The following CDC14A variants were observed in gnomAD, a reference collection of about 807,000 sequenced individuals.
CDC14A encodes dual specificity protein phosphatase CDC14A.
Under a neutral mutation model 74.4 loss-of-function variants are expected in CDC14A, and 53 were observed. That is an observed-to-expected ratio of 0.71 (90% CI 0.57 to 0.89). The LOEUF is 0.89. Among genes scored for constraint, CDC14A ranks in the 40% least tolerant of loss-of-function variants. The probability of loss-of-function intolerance (pLI) is 0.00; values close to 1 mark genes in which losing one functional copy is unlikely to be tolerated. For missense variants in CDC14A, 646 were observed against 713.7 expected, an observed-to-expected ratio of 0.91 and a Z score of 1.08; for synonymous variants, 247 against 258.4, an observed-to-expected ratio of 0.96 and a Z score of 0.43.
At chr1:100,446,711 T>A (rs1264733360) in intron 7 of CDC14A, among the ~76,000 whole-genome samples, 2 of 152,164 alleles carry the variant, frequency 1.3e-5, no homozygotes, top group East Asian at 3.8e-4. Context: ...TTATTGTGTT[T>A]TTTTGAGAGA....
intron 7 of CDC14A, among the ~76,000 whole-genome samples, chr1:100,452,221 A>G (rs898572671): frequency 6.6e-6 from 1 of 152,196 alleles, no homozygotes; most frequent in African/African-American, 2.4e-5. Flanking sequence ...CTTAGAAATC[A>G]TAAAAATTGG....
upstream of CDC14A, among the ~76,000 whole-genome samples, chr1:100,351,268 A>T (rs1045893651): frequency 1.3e-5 from 2 of 151,310 alleles, no homozygotes; most frequent in African/African-American, 4.8e-5. Context: ...TGGTTCCCTC[A>T]GTCAGCTCTG....
At chr1:100,412,258 A>G (rs775638191) in intron 4 of CDC14A, among the ~76,000 whole-genome samples, 1 of 152,144 alleles carries the variant, frequency 6.6e-6, no homozygotes, top group Admixed American at 6.5e-5. Context: ...CTACTCTGCC[A>G]TAATGCTCTG....
chr1:100,377,514 ATAC>A (rs1655443519), intron 2 of CDC14A, 29 bp from the exon 3 acceptor site: 2 of 1,468,050 alleles, frequency 1.4e-6, no homozygotes, highest in Admixed American at 1.8e-5. Context: ...CTTTGACTAA[ATAC>A]TACGTTTTTT....
At chr1:100,429,206 A>AAATAAATAAAT (rs1663318468) in intron 5 of CDC14A, among the ~76,000 whole-genome samples, 2 of 113,418 alleles carry the variant, frequency 1.8e-5, no homozygotes, top group Non-Finnish European at 3.3e-5. Flanking sequence ...TCCATCTCAA[A>AAATAAATAAAT]AAATAAATAA....
At chr1:100,375,199 T>C (rs576161213) in intron 2 of CDC14A, among the ~76,000 whole-genome samples, 3 of 152,248 alleles carry the variant, frequency 2.0e-5, no homozygotes, top group East Asian at 3.9e-4. Context: ...AGGAAACCGA[T>C]GTGAGTGGAG....
chr1:100,468,213 A>G, intron 10 of CDC14A, 119 bp downstream of exon 10: 1 of 1,070,414 alleles, frequency 9.3e-7, no homozygotes, highest in South Asian at 1.4e-5. Flanking sequence ...TGTTAAGAGA[A>G]GTGTGTGCCT....
At chr1:100,429,221 A>ATAAATAAATAAATAAATAAG (rs1269486288) in intron 5 of CDC14A, among the ~76,000 whole-genome samples, 8 of 148,830 alleles carry the variant, frequency 5.4e-5, no homozygotes, top group African/African-American at 1.5e-4. Flanking sequence ...AAATAAATAA[A>ATAAATAAATAAATAAATAAG]TAAATAAATA....
chr1:100,429,276 T>G (rs946806091), intron 5 of CDC14A, among the ~76,000 whole-genome samples: 3 of 148,984 alleles, frequency 2.0e-5, no homozygotes, highest in Non-Finnish European at 4.4e-5. Flanking sequence ...GGAATAAAAT[T>G]ATGCTGACAA....
chr1:100,518,939 C>G lies in CDC14A; in HGVS notation c.*659C>G, dbSNP rs1227154346. ...CCAAGAGTATAATGGCATGGGATGG[C>G]TTATTTAGGACAATTCCCTTTCCTA... On this transcript the variant is annotated 3_prime_UTR_variant, in exon 16 of 16. Transcript: ENST00000336454. 1 of 152,010 alleles carries G rather than the reference C, an allele frequency of 6.6e-6. No individual in the cohort carries two copies. The highest frequency in any genetic ancestry group is 1.5e-5 in the Non-Finnish European group (1 of 67,968). The allele number at this position is 152,010 out of a possible 1,614,324, so 9.4% of individuals were successfully genotyped here.
At chr1:100,423,296 C>T (rs536780486) in intron 4 of CDC14A, among the ~76,000 whole-genome samples, 1 of 152,226 alleles carries the variant, frequency 6.6e-6, no homozygotes, top group African/African-American at 2.4e-5. Flanking sequence ...GCCTGGATAG[C>T]CATTCCTCCT....
chr1:100,353,260 C>T (rs1651374344), intron 1 of CDC14A, among the ~76,000 whole-genome samples: 1 of 152,276 alleles, frequency 6.6e-6, no homozygotes, highest in Admixed American at 6.5e-5. Flanking sequence ...TCTGCCCGTA[C>T]TCCGGCACTC....
chr1:100,487,372 A>G (rs1206265374), intron 11 of CDC14A, among the ~76,000 whole-genome samples: 2 of 152,266 alleles, frequency 1.3e-5, no homozygotes, highest in East Asian at 3.9e-4. Context: ...CAGGCTGGCC[A>G]GCATAACGAA....
intron 4 of CDC14A, among the ~76,000 whole-genome samples, chr1:100,395,439 T>C (rs550192291): frequency 2.0e-5 from 3 of 152,360 alleles, no homozygotes; most frequent in African/African-American, 7.2e-5. Context: ...TTTTGATTTC[T>C]TTTGTTCGCT....
chr1:100,375,777 A>C (rs1655147556), intron 2 of CDC14A, among the ~76,000 whole-genome samples: 1 of 152,226 alleles, frequency 6.6e-6, no homozygotes, highest in South Asian at 2.1e-4. Flanking sequence ...ATACCATTTG[A>C]CCCAGCCATC....
intron 8 of CDC14A, among the ~76,000 whole-genome samples, chr1:100,456,280 A>G (rs937424937): frequency 1.6e-4 from 24 of 152,370 alleles, no homozygotes; most frequent in African/African-American, 5.5e-4. Context: ...CAGCTATGCA[A>G]GTTTTCCCAT....
At chr1:100,497,973 G>A in intron 13 of CDC14A, 112 bp from the exon 14 acceptor site, 2 of 1,144,932 alleles carry the variant, frequency 1.7e-6, no homozygotes, top group Non-Finnish European at 2.5e-6. Flanking sequence ...ATCACTATTA[G>A]GACCTGTCAT....
chr1:100,491,538 CTCTCTCTCTCTATA>C (rs1346414714), intron 11 of CDC14A, among the ~76,000 whole-genome samples: 1 of 38,550 alleles, frequency 2.6e-5, no homozygotes, highest in African/African-American at 8.5e-5. Flanking sequence ...CTCTCTCTCT[CTCTCTCTCTCTATA>C]TATATATATA....
intron 5 of CDC14A, among the ~76,000 whole-genome samples, chr1:100,432,496 C>T (rs1663815746): frequency 6.6e-6 from 1 of 152,098 alleles, no homozygotes. Flanking sequence ...TATTGGATTT[C>T]AAAGATGTAG....
Sources: allele counts gnomAD v4.1 joint callset (sites outside exome capture counted in the v4.1 genomes callset), GRCh38; gene constraint gnomAD v4.1.1; transcripts MANE v1.5; gene names NCBI Gene and HGNC (gene_info 2026-07-23, HGNC 2026-07-21).